PLCG2: variants seen among roughly 807,000 people sequenced by gnomAD.
The protein encoded by PLCG2 is 1-phosphatidylinositol 4,5-bisphosphate phosphodiesterase gamma-2.
Under a neutral mutation model 175.6 loss-of-function variants are expected in PLCG2, and 69 were observed. The ratio of observed to expected loss-of-function variants is 0.39; its 90% CI spans 0.32 to 0.48. PLCG2 has a LOEUF of 0.48. Ranked by LOEUF, PLCG2 falls within the 20% of genes least tolerant of loss-of-function variation. PLCG2 has a pLI of 0.91. For synonymous variants in PLCG2, 827 were observed against 624.0 expected, an observed-to-expected ratio of 1.33 and a Z score of -4.85; for missense variants, 1,798 against 1,650.9, an observed-to-expected ratio of 1.09 and a Z score of -1.54.
At chr16:81,885,000 G>T (rs1908284580) in intron 9 of PLCG2, among the ~76,000 whole-genome samples, 2 of 151,746 alleles carry the variant, frequency 1.3e-5, no homozygotes, top group Admixed American at 6.6e-5. Context: ...CGATCCTCCT[G>T]CCTCAGCCTC....
At chr16:81,938,619 G>A (rs948672881) in intron 28 of PLCG2, 182 bp from the exon 29 acceptor site, 3 of 584,402 alleles carry the variant, frequency 5.1e-6, no homozygotes, top group Admixed American at 3.1e-5. Flanking sequence ...AGGAACTGTG[G>A]GATCTACCAC....
At chr16:81,887,270 C>T (rs1908417665) in intron 9 of PLCG2, among the ~76,000 whole-genome samples, 1 of 152,144 alleles carries the variant, frequency 6.6e-6, no homozygotes, top group Non-Finnish European at 1.5e-5. Flanking sequence ...CAGGCACCCG[C>T]CACCACGCCC....
At chr16:81,800,408 C>G (rs888283881) in intron 2 of PLCG2, among the ~76,000 whole-genome samples, 1 of 152,132 alleles carries the variant, frequency 6.6e-6, no homozygotes, top group East Asian at 1.9e-4. Flanking sequence ...TTGTTCTCCT[C>G]CCTGTGTCCA....
At chr16:81,869,832 T>C (rs1040153150) in intron 6 of PLCG2, among the ~76,000 whole-genome samples, 8 of 152,150 alleles carry the variant, frequency 5.3e-5, no homozygotes, top group African/African-American at 1.7e-4. Flanking sequence ...AGCCACTCCA[T>C]GAGTGATGGG....
intron 2 of PLCG2, among the ~76,000 whole-genome samples, chr16:81,814,638 T>C (rs1259610440): frequency 1.3e-5 from 2 of 151,686 alleles, no homozygotes; most frequent in African/African-American, 4.8e-5. Flanking sequence ...GAGGTTGCAG[T>C]GAACCAAGAT....
intron 2 of PLCG2, chr16:81,766,640 C>G (rs1910157480): frequency 6.6e-6 from 1 of 152,262 alleles, no homozygotes; most frequent in African/African-American, 2.4e-5. Flanking sequence ...TATGTGTTTC[C>G]TTGTTTACTG....
chr16:81,927,444 A>G (rs1270632238), intron 23 of PLCG2, among the ~76,000 whole-genome samples: 2 of 152,202 alleles, frequency 1.3e-5, no homozygotes, highest in African/African-American at 4.8e-5. Flanking sequence ...CGCTGGAGTG[A>G]AAGTGACCAA....
At chr16:81,859,700 A>G (rs1289312225) in intron 5 of PLCG2, among the ~76,000 whole-genome samples, 1 of 151,898 alleles carries the variant, frequency 6.6e-6, no homozygotes, top group Non-Finnish European at 1.5e-5. Context: ...ATGCCCGGCT[A>G]ATTTTTTTTG....
chr16:81,809,909 G>C (rs982349295), intron 2 of PLCG2, among the ~76,000 whole-genome samples: 1 of 151,942 alleles, frequency 6.6e-6, no homozygotes, highest in Non-Finnish European at 1.5e-5. Flanking sequence ...ATACTGTGTA[G>C]CTCACAGCAT....
chr16:81,846,324 G>C (rs1597351559), intron 2 of PLCG2, among the ~76,000 whole-genome samples: 1 of 152,106 alleles, frequency 6.6e-6, no homozygotes, highest in Non-Finnish European at 1.5e-5. Context: ...ATACAGTCAG[G>C]GTGAAGCCCA....
At chr16:81,787,968 T>C (rs1911058555) in intron 2 of PLCG2, among the ~76,000 whole-genome samples, 1 of 152,244 alleles carries the variant, frequency 6.6e-6, no homozygotes, top group African/African-American at 2.4e-5. Flanking sequence ...CAGTCATCTG[T>C]TGACGGACCC....
At chr16:81,951,252 C>G (rs1200010167) in intron 31 of PLCG2, among the ~76,000 whole-genome samples, 1 of 152,220 alleles carries the variant, frequency 6.6e-6, no homozygotes, top group East Asian at 1.9e-4. Flanking sequence ...GTGTCAGCCA[C>G]TGTGTCCAGC....
At chr16:81,876,337 A>G (rs1355220467) in intron 7 of PLCG2, among the ~76,000 whole-genome samples, 2 of 152,012 alleles carry the variant, frequency 1.3e-5, no homozygotes, top group African/African-American at 4.8e-5. Flanking sequence ...TTTTCTATTG[A>G]TGAGATTTTA....
chr16:81,866,360 G>A (rs1470386916), intron 5 of PLCG2, among the ~76,000 whole-genome samples: 1 of 135,894 alleles, frequency 7.4e-6, no homozygotes, highest in African/African-American at 2.8e-5. Context: ...CTTGCTCCCA[G>A]GTTGAGCTCC....
chr16:81,781,871 CCCCCCCCCG>C (rs1910749253), intron 1 of PLCG2, among the ~76,000 whole-genome samples: 11 of 34,626 alleles, frequency 3.2e-4, no homozygotes, highest in Admixed American at 1.0e-3. Context: ...CCTTTCCCCC[CCCCCCCCCG>C]CCCGCCCCCG....
chr16:81,841,243 TA>T (rs1189671868), intron 2 of PLCG2, among the ~76,000 whole-genome samples: 1 of 146,108 alleles, frequency 6.8e-6, no homozygotes, highest in African/African-American at 2.5e-5. Flanking sequence ...TTTATTTATT[TA>T]TTTATTTATT....
intron 2 of PLCG2, among the ~76,000 whole-genome samples, chr16:81,834,413 G>A (rs1567489042): frequency 6.6e-6 from 1 of 152,246 alleles, no homozygotes; most frequent in East Asian, 1.9e-4. Context: ...AGAACTCTGG[G>A]CCTGCAGCTA....
At chr16:81,771,069 A>ATAAATAAAT (rs1555504901) in intron 2 of PLCG2, among the ~76,000 whole-genome samples, 2 of 145,140 alleles carry the variant, frequency 1.4e-5, no homozygotes, top group Non-Finnish European at 3.0e-5. Flanking sequence ...AAAAAAAAAA[A>ATAAATAAAT]AAATAAATAA....
At chr16:81,811,503 G>A (rs9806968) in intron 2 of PLCG2, among the ~76,000 whole-genome samples, 59,814 of 151,662 alleles carry the variant, frequency 0.39, 12,761 homozygotes, top group African/African-American at 0.55. Context: ...ATTTCTCCTA[G>A]TGCTATCCCT....
Sources: allele counts gnomAD v4.1 joint callset (sites outside exome capture counted in the v4.1 genomes callset), GRCh38; gene constraint gnomAD v4.1.1; transcripts MANE v1.5; gene names NCBI Gene and HGNC (gene_info 2026-07-23, HGNC 2026-07-21).